PAM: variants seen among roughly 807,000 people sequenced by gnomAD.
The protein encoded by PAM is peptidylglycine alpha-amidating monooxygenase.
A neutral mutation model predicts 122.1 loss-of-function variants in PAM; 72 were observed. The ratio of observed to expected loss-of-function variants is 0.59; its 90% CI spans 0.49 to 0.72. PAM has a LOEUF of 0.72. Among genes scored for constraint, PAM ranks in the 30% least tolerant of loss-of-function variants. The pLI is 0.00. For synonymous variants in PAM, 389 were observed against 404.4 expected (o/e 0.96, Z 0.46); for missense variants, 1,106 against 1,183.7 (o/e 0.93, Z 0.96).
intron 3 of PAM, among the ~76,000 whole-genome samples, chr5:102,882,711 C>A (rs189409920): frequency 2.0e-5 from 3 of 152,126 alleles, no homozygotes; most frequent in African/African-American, 7.2e-5. Flanking sequence ...TGTGCAGAAG[C>A]CTTTTAGTTT....
chr5:102,906,220 A>G (rs1243072630), intron 4 of PAM, among the ~76,000 whole-genome samples: 1 of 151,662 alleles, frequency 6.6e-6, no homozygotes, highest in Non-Finnish European at 1.5e-5. Context: ...CCAAAAATTA[A>G]TTGACATGTT....
intron 5 of PAM, among the ~76,000 whole-genome samples, chr5:102,919,736 G>A (rs73774902): frequency 3.4e-4 from 51 of 151,944 alleles, no homozygotes; most frequent in African/African-American, 1.1e-3. Flanking sequence ...CTATCATATC[G>A]CATATTGGGA....
At chr5:102,951,457 T>C (rs1758861121) in intron 12 of PAM, among the ~76,000 whole-genome samples, 1 of 152,248 alleles carries the variant, frequency 6.6e-6, no homozygotes, top group Admixed American at 6.5e-5. Flanking sequence ...TGCTTTTTGA[T>C]AGAAAAGAAT....
At chr5:102,949,704 A>G in intron 10 of PAM, 87 bp downstream of exon 10, 1 of 785,210 alleles carries the variant, frequency 1.3e-6, no homozygotes, top group South Asian at 1.5e-5. Flanking sequence ...TTTGACCTTA[A>G]GTCTGTTTCA....
At chr5:102,815,027 T>A (rs1167126525) in intron 1 of PAM, among the ~76,000 whole-genome samples, 2 of 152,026 alleles carry the variant, frequency 1.3e-5, no homozygotes, top group Admixed American at 1.3e-4. Context: ...TTACTTTTAT[T>A]CCTCTATCTT....
At chr5:102,897,111 C>T (rs935357677) in intron 3 of PAM, among the ~76,000 whole-genome samples, 1 of 151,584 alleles carries the variant, frequency 6.6e-6, no homozygotes, top group Non-Finnish European at 1.5e-5. Context: ...GAGGCTTGAC[C>T]ACTTTCCATA....
Position 102,948,359 on chromosome 5 carries a change from ATGT to A in PAM, c.576-17_576-15del. On this transcript the variant is annotated splice_polypyrimidine_tract_variant and intron_variant, in intron 8 of 25. Coordinates refer to ENST00000438793, the MANE Select transcript of PAM (RefSeq NM_001177306.2). ...TGACTTTTTCAGGTATTTTAGAAAA[ATGT>A]TATTTTTTTCTGCAGACAGCCTTTA... The A allele has an allele frequency of 6.8e-7, 1 of 1,465,354 alleles. No homozygotes were observed. 90.8% of individuals were successfully genotyped at this position (1,465,354 alleles called of 1,614,324 possible).
At chr5:102,886,919 C>T (rs2151214075) in intron 3 of PAM, among the ~76,000 whole-genome samples, 1 of 152,156 alleles carries the variant, frequency 6.6e-6, no homozygotes, top group East Asian at 1.9e-4. Flanking sequence ...TGAATCTACA[C>T]CTAGTTATTT....
intron 4 of PAM, among the ~76,000 whole-genome samples, chr5:102,904,396 C>A (rs894211867): frequency 5.3e-5 from 8 of 151,494 alleles, no homozygotes; most frequent in African/African-American, 1.9e-4. Context: ...AGGATAGGCA[C>A]CGACTCAATA....
At chr5:102,932,859 T>A (rs569476204) in intron 7 of PAM, among the ~76,000 whole-genome samples, 88 of 152,082 alleles carry the variant, frequency 5.8e-4, no homozygotes, top group Non-Finnish European at 1.2e-3. Context: ...TTCTTTCCAG[T>A]TTTTAGGAGT....
Position 102,987,895 on chromosome 5 carries a change from A to G in PAM, c.1484-2377A>G, listed in dbSNP as rs553938047. On this transcript the variant is annotated intron_variant, in intron 15 of 25. Coordinates refer to ENST00000438793, the MANE Select transcript of PAM (RefSeq NM_001177306.2). ...CACAATACACATGAGTGACAATGAC[A>G]TTTTCATATGCTCTAAAATATTTCT... Among the ~76,000 whole-genome samples the G allele has an allele frequency of 2.0e-4, 30 of 152,260 alleles. No homozygotes were observed. In the Middle Eastern group the frequency reaches 0.01, roughly 52 times the overall value.
intron 1 of PAM, among the ~76,000 whole-genome samples, chr5:102,796,065 G>T (rs1300813168): frequency 6.6e-6 from 1 of 152,154 alleles, no homozygotes; most frequent in Non-Finnish European, 1.5e-5. Context: ...AAACTCCTGT[G>T]ATCTGTTGAC....
chr5:102,990,556 TAGTA>T (rs1477591314), intron 16 of PAM, among the ~76,000 whole-genome samples, 155 bp downstream of exon 16: 2 of 152,214 alleles, frequency 1.3e-5, no homozygotes, highest in Admixed American at 1.3e-4. Context: ...TGTCTGACTG[TAGTA>T]AGTAGCAGAG....
At chr5:102,935,620 A>G (rs575411442) in intron 7 of PAM, among the ~76,000 whole-genome samples, 1 of 152,244 alleles carries the variant, frequency 6.6e-6, no homozygotes, top group South Asian at 2.1e-4. Flanking sequence ...CAGTTTTTCC[A>G]GTTTACAATC....
At chr5:102,811,820 A>C (rs1767992657) in intron 1 of PAM, among the ~76,000 whole-genome samples, 1 of 152,232 alleles carries the variant, frequency 6.6e-6, no homozygotes, top group South Asian at 2.1e-4. Flanking sequence ...CCTCAAAATA[A>C]TTAATGTGGG....
intron 16 of PAM, among the ~76,000 whole-genome samples, chr5:102,999,269 T>A (rs939147721): frequency 6.6e-6 from 1 of 152,130 alleles, no homozygotes; most frequent in Non-Finnish European, 1.5e-5. Context: ...CAAAATGATA[T>A]CCTTTGACTG....
chr5:102,935,502 G>A (rs1752952688), intron 7 of PAM, among the ~76,000 whole-genome samples: 1 of 152,078 alleles, frequency 6.6e-6, no homozygotes, highest in African/African-American at 2.4e-5. Context: ...AGCAATGTTA[G>A]AAATGTTTTA....
chr5:102,769,536 A>G (rs1755135379), intron 1 of PAM, among the ~76,000 whole-genome samples: 2 of 152,014 alleles, frequency 1.3e-5, no homozygotes, highest in Non-Finnish European at 2.9e-5. Flanking sequence ...TGTATATGGT[A>G]AGAGATACGG....
chr5:102,882,130 C>T (rs1791482303), intron 3 of PAM, among the ~76,000 whole-genome samples: 1 of 114,956 alleles, frequency 8.7e-6, no homozygotes, highest in Admixed American at 1.0e-4. Flanking sequence ...TTTCTTTATC[C>T]ACTCATTGTT....
Sources: gnomAD v4.1 joint callset for allele counts (sites outside exome capture counted in the v4.1 genomes callset) on GRCh38, gnomAD v4.1.1 for gene constraint, MANE v1.5 for transcripts, NCBI Gene and HGNC (gene_info 2026-07-23, HGNC 2026-07-21) for gene names.